Variants in KCNH8 observed in about 807,000 individuals in gnomAD.
KCNH8 encodes the protein potassium voltage-gated channel subfamily H member 8.
In KCNH8, 70 loss-of-function variants were observed where a neutral mutation model predicts 103.6. That is an observed-to-expected ratio of 0.68 (90% CI 0.56 to 0.82). The LOEUF (loss-of-function observed/expected upper bound fraction) is 0.82. Among genes scored for constraint, KCNH8 ranks in the 40% least tolerant of loss-of-function variants. The probability of loss-of-function intolerance (pLI) is 0.00; values close to 1 mark genes in which losing one functional copy is unlikely to be tolerated. For synonymous variants in KCNH8, 498 were observed against 489.4 expected (o/e 1.02, Z -0.23); for missense variants, 1,217 against 1,329.9 (o/e 0.92, Z 1.32).
In KCNH8 at chr3:19,176,690, G is replaced by T. The variant is rs371266746; in HGVS notation, c.76+27895G>T. 9.2e-5 allele frequency among the ~76,000 whole-genome samples: 14 copies of T among 152,030 alleles called. 2 individuals are homozygous for T. Among genetic ancestry groups the T allele is most frequent in the Admixed American group, 5.2e-4 (8 of 15,272 alleles). ...GCTTTTCTGACATTACCTATCTTTT[G>T]ATTGTTTAATTTCATAACTATATTT... On this transcript the variant is annotated intron_variant, in intron 1 of 15. Transcript: ENST00000328405.
chr3:19,260,487 G>GATAGATATATAT (rs2064416634), intron 2 of KCNH8, among the ~76,000 whole-genome samples: 1 of 40,038 alleles, frequency 2.5e-5, no homozygotes, highest in East Asian at 8.0e-4. Context: ...TACTCTATAG[G>GATAGATATATAT]ATATATATAT....
chr3:19,481,850 CTG>C (rs1220356258), intron 11 of KCNH8, among the ~76,000 whole-genome samples: 3 of 152,168 alleles, frequency 2.0e-5, no homozygotes. Flanking sequence ...GTAAGGAACA[CTG>C]AGAGTCAGGA....
At position 19,339,174 on chromosome 3, in the gene KCNH8, C is replaced by T. The variant is rs185185132; in HGVS notation, c.443-3413C>T. On this transcript the variant is annotated intron_variant, in intron 3 of 15. Transcript: ENST00000328405. ...AAGACTAACACAGATTATTCTTTGA[C>T]ACTTCCCTTTGAGGGGACCTTTTCT... Among the ~76,000 whole-genome samples the T allele has an allele frequency of 2.4e-3, 362 of 152,202 alleles. 5 individuals are homozygous for T. Among genetic ancestry groups the T allele is most frequent in the African/African-American group, 8.2e-3 (341 of 41,560 alleles).
At chr3:19,484,553 G>T (rs2068163996) in intron 11 of KCNH8, among the ~76,000 whole-genome samples, 2 of 152,178 alleles carry the variant, frequency 1.3e-5, no homozygotes, top group Non-Finnish European at 2.9e-5. Context: ...TGCAGGGCTT[G>T]TCCAGGCTCG....
chr3:19,221,412 A>G (rs1217040841), intron 1 of KCNH8, among the ~76,000 whole-genome samples: 1 of 152,224 alleles, frequency 6.6e-6, no homozygotes, highest in African/African-American at 2.4e-5. Flanking sequence ...GAAAAGTATT[A>G]TAAGAGATAC....
chr3:19,461,317 G>C (rs1339916937), intron 11 of KCNH8, among the ~76,000 whole-genome samples: 1 of 152,152 alleles, frequency 6.6e-6, no homozygotes, highest in Non-Finnish European at 1.5e-5. Flanking sequence ...GGCTAGATAA[G>C]TTTGGACCTC....
In KCNH8 at chr3:19,456,904, C is replaced by T. The variant is rs762716449; in HGVS notation, c.1962C>T (p.Tyr654=). Residue 654 remains tyrosine, a synonymous_variant, in exon 11 of 16, where the codon TAC becomes TAT. Transcript: ENST00000328405. The stretch of plus-strand genomic sequence containing the variant: ...GACTCTTTGAAGTGCTAGACCTTTA[C>T]CCAGAATATGCTCACAAATTCGTGG... ...LKGLFEVLDL[Y]PEYAHKFVED... is the part of the protein sequence containing the mutation. The T allele has an allele frequency of 6.2e-7, 1 of 1,612,544 alleles. No individual in the cohort carries two copies. Among genetic ancestry groups the T allele is most frequent in the Admixed American group, 1.7e-5 (1 of 59,816 alleles).
intron 3 of KCNH8, among the ~76,000 whole-genome samples, chr3:19,335,356 C>T (rs1405392841): frequency 6.6e-6 from 1 of 150,840 alleles, no homozygotes; most frequent in African/African-American, 2.4e-5. Context: ...TTTTAGTGTA[C>T]TTCTATATTC....
In KCNH8 at chr3:19,375,970, C is replaced by T. The variant is rs1343779545; in HGVS notation, c.812-14511C>T. ...AGTCTGCCCGTTCTCAGATCTCCAG[C>T]TGTGTGCTGGGAGAACCACTGCTCT... On this transcript the variant is annotated intron_variant, in intron 5 of 15. Coordinates refer to ENST00000328405, the MANE Select transcript of KCNH8 (RefSeq NM_144633.3). Among the ~76,000 whole-genome samples the T allele has an allele frequency of 3.3e-5, 5 of 152,302 alleles. No homozygotes were observed. The South Asian group carries it at 1.0e-3, about 32-fold the overall frequency.
rs2064861256 is a variant in KCNH8, at chr3:19,288,181, C to CTTTTTTTTTTTCTTTT, written c.442+6863_442+6864insCTTTTTTTTTTTTTTT. Among the ~76,000 whole-genome samples, 28 of 38,176 alleles carry CTTTTTTTTTTTCTTTT rather than the reference C, an allele frequency of 7.3e-4. 1 individual carries two copies. Among genetic ancestry groups the CTTTTTTTTTTTCTTTT allele is most frequent in the African/African-American group, 2.5e-3 (26 of 10,392 alleles). The allele number at this position is 38,176 out of a possible 152,430, so 25.0% of individuals were successfully genotyped here. A position where few individuals can be genotyped will look rare whatever the true frequency, so the allele number is the denominator to read the frequency against. On this transcript the variant is annotated intron_variant, in intron 3 of 15. Transcript: ENST00000328405. ...CTTCTTGCACCGGTGTATCAAACTT[C>CTTTTTTTTTTTCTTTT]TTTTTTTTTTTTTTTTTTTTTTTTT...
chr3:19,201,231 CAAAAAAAAAAAAAAAAAA>C (rs1170312203), intron 1 of KCNH8, among the ~76,000 whole-genome samples: 2 of 22,054 alleles, frequency 9.1e-5, no homozygotes, highest in African/African-American at 3.6e-4. Flanking sequence ...GACTCTGCCT[CAAAAAAAAAAAAAAAAAA>C]AAAAAAAAAA....
At chr3:19,306,264 A>G (rs2065128981) in intron 3 of KCNH8, among the ~76,000 whole-genome samples, 1 of 152,154 alleles carries the variant, frequency 6.6e-6, no homozygotes, top group Non-Finnish European at 1.5e-5. Flanking sequence ...CTAAAATCTT[A>G]CAAAAAACCT....
At chr3:19,390,119 C>T (rs1378506203) in intron 5 of KCNH8, among the ~76,000 whole-genome samples, 1 of 152,042 alleles carries the variant, frequency 6.6e-6, no homozygotes, top group Non-Finnish European at 1.5e-5. Flanking sequence ...ATAGTGAACA[C>T]TTAGTAAGTG....
At chr3:19,533,371 T>C (rs752346191) in intron 15 of KCNH8, 24 bp from the exon 16 acceptor site, 1 of 1,509,094 alleles carries the variant, frequency 6.6e-7, no homozygotes, top group Admixed American at 1.7e-5. Context: ...AACTATTGTC[T>C]TTCACTTTGC....
At chr3:19,498,513 G>C (rs561972729) in intron 11 of KCNH8, among the ~76,000 whole-genome samples, 1 of 152,074 alleles carries the variant, frequency 6.6e-6, no homozygotes, top group Non-Finnish European at 1.5e-5. Context: ...AGCTTAGTTT[G>C]GCTGGATATA....
chr3:19,292,802 G>A (rs1221358984), intron 3 of KCNH8, among the ~76,000 whole-genome samples: 1 of 152,154 alleles, frequency 6.6e-6, no homozygotes, highest in Non-Finnish European at 1.5e-5. Context: ...AAAGAGTGAA[G>A]GACAAAAGCC....
chr3:19,359,823 C>T (rs2065925580), intron 5 of KCNH8, among the ~76,000 whole-genome samples: 1 of 151,830 alleles, frequency 6.6e-6, no homozygotes, highest in African/African-American at 2.4e-5. Context: ...TGTATATTTA[C>T]TTGACAATGC....
intron 1 of KCNH8, among the ~76,000 whole-genome samples, chr3:19,240,559 C>T (rs891235884): frequency 6.6e-6 from 1 of 151,396 alleles, no homozygotes; most frequent in Non-Finnish European, 1.5e-5. Flanking sequence ...TTGCGGTGAG[C>T]CGAGATCGTG....
chr3:19,314,408 A>G (rs1231448139), intron 3 of KCNH8, among the ~76,000 whole-genome samples: 1 of 151,920 alleles, frequency 6.6e-6, no homozygotes, highest in East Asian at 1.9e-4. Flanking sequence ...TGATTCTACA[A>G]AAAATTAAAC....
Sources: gnomAD v4.1 joint callset for allele counts (sites outside exome capture counted in the v4.1 genomes callset) on GRCh38, gnomAD v4.1.1 for gene constraint, MANE v1.5 for transcripts, NCBI Gene and HGNC (gene_info 2026-07-23, HGNC 2026-07-21) for gene names.